Variants in SUN5 observed in about 807,000 individuals in gnomAD.
SUN5 encodes the protein SUN domain-containing protein 5.
Under a neutral mutation model 53.7 loss-of-function variants are expected in SUN5, and 44 were observed. The observed-to-expected ratio is 0.82, with a 90% CI of 0.64 to 1.05. SUN5 has a LOEUF of 1.05. Ranked by LOEUF, SUN5 falls within the 50% of genes least tolerant of loss-of-function variation. The pLI, the probability that SUN5 is intolerant of heterozygous loss-of-function variation, is 0.00. For missense variants in SUN5, 433 were observed against 483.8 expected, an observed-to-expected ratio of 0.90 and a Z score of 0.98; for synonymous variants, 166 against 179.8, an observed-to-expected ratio of 0.92 and a Z score of 0.62.
chr20:32,990,254 G>A (rs1989676847), intron 8 of SUN5, among the ~76,000 whole-genome samples: 1 of 152,236 alleles, frequency 6.6e-6, no homozygotes, highest in Non-Finnish European at 1.5e-5. Context: ...GTATGAGGCA[G>A]AGCGATCACT....
chr20:32,998,028 C>T (rs1054077060), intron 5 of SUN5, among the ~76,000 whole-genome samples: 2 of 151,982 alleles, frequency 1.3e-5, no homozygotes, highest in Non-Finnish European at 2.9e-5. Context: ...GCTGAAAAGC[C>T]ACCATTCAAG....
At chr20:32,987,603 C>A in intron 10 of SUN5, 57 bp downstream of exon 10, 2 of 1,476,060 alleles carry the variant, frequency 1.4e-6, no homozygotes, top group South Asian at 2.5e-5. Flanking sequence ...CTCCTGTCCC[C>A]AAACCCTGCC....
chr20:32,997,790 G>A, intron 5 of SUN5, 103 bp from the exon 6 acceptor site: 1 of 1,260,842 alleles, frequency 7.9e-7, no homozygotes, highest in Non-Finnish European at 1.1e-6. Flanking sequence ...TATGCCACTT[G>A]CCAGCATTGT....
chr20:32,989,842 G>C, intron 8 of SUN5, 144 bp from the exon 9 acceptor site: 1 of 704,946 alleles, frequency 1.4e-6, no homozygotes, highest in Non-Finnish European at 2.4e-6. Context: ...CTGTGGCTCT[G>C]TGAAAGCCCA....
chr20:32,993,815 G>A (rs761246234), intron 8 of SUN5, among the ~76,000 whole-genome samples: 45 of 152,288 alleles, frequency 3.0e-4, no homozygotes, highest in Middle Eastern at 3.4e-3. Context: ...CTATTAATTC[G>A]AATTGTTAAC....
At chr20:32,988,566 CTGAT>C (rs1989612673) in intron 9 of SUN5, among the ~76,000 whole-genome samples, 1 of 150,350 alleles carries the variant, frequency 6.7e-6, no homozygotes, top group Admixed American at 6.6e-5. Context: ...TCCGGAAGCA[CTGAT>C]TATTATTTTA....
In SUN5 at chr20:32,997,707, A is replaced by C; in HGVS notation, c.341-20T>G. The C allele has an allele frequency of 6.2e-7, 1 of 1,613,718 alleles. No individual in the cohort carries two copies. The highest frequency in any genetic ancestry group is 8.5e-7 in the Non-Finnish European group (1 of 1,179,874). On this transcript the variant is annotated intron_variant, in intron 5 of 12. Transcript: ENST00000356173. ...AGAATCCTGTGAGGCCATGAGAATA[A>C]GAATGAGCCATTTAACATGCAAGAT...
At position 32,983,815 on chromosome 20, in the gene SUN5, G is replaced by GTTCT. The variant is rs1322820614; in HGVS notation, c.1115_1118dup (p.Asn373LysfsTer6). ...AATTTTAATCTCTCTTAGGGTAGGG[G>GTTCT]TTCTGGTGAGGCTGCTCTCTGGGCG... is the stretch of plus-strand genomic sequence containing the variant. On this transcript the variant is annotated frameshift_variant, in exon 13 of 13. Coordinates refer to ENST00000356173, the MANE Select transcript of SUN5 (RefSeq NM_080675.4). LOFTEE classifies it high-confidence loss of function. 3 of 1,561,300 alleles carry GTTCT rather than the reference G, an allele frequency of 1.9e-6. No individual in the cohort carries two copies. In the Admixed American group the frequency reaches 5.6e-5, roughly 29 times the overall value.
intron 9 of SUN5, 30 bp downstream of exon 9, chr20:32,989,590 A>G: frequency 1.2e-6 from 2 of 1,603,122 alleles, no homozygotes; most frequent in Non-Finnish European, 1.7e-6. Context: ...CACTTGAGGC[A>G]GTCAGATGGT....
chr20:33,000,707 T>A (rs1989978104), intron 4 of SUN5, among the ~76,000 whole-genome samples: 1 of 151,940 alleles, frequency 6.6e-6, no homozygotes, highest in African/African-American at 2.4e-5. Context: ...TAGCCAGACG[T>A]GGTGGTGTGT....
intron 8 of SUN5, among the ~76,000 whole-genome samples, chr20:32,994,825 G>A (rs1361667267): frequency 1.3e-5 from 2 of 151,852 alleles, no homozygotes; most frequent in African/African-American, 4.8e-5. Context: ...AGGAGGCAGA[G>A]GTTGCAGTGA....
intron 8 of SUN5, among the ~76,000 whole-genome samples, chr20:32,990,739 G>T (rs775091646): frequency 1.3e-5 from 2 of 152,134 alleles, no homozygotes; most frequent in Non-Finnish European, 2.9e-5. Flanking sequence ...GATGATTCCA[G>T]CCCCAGATGT....
intron 8 of SUN5, among the ~76,000 whole-genome samples, chr20:32,994,065 A>G (rs189015902): frequency 1.3e-5 from 2 of 152,326 alleles, no homozygotes; most frequent in African/African-American, 4.8e-5. Context: ...ACACATTTGG[A>G]GACTTGTGAG....
At chr20:32,991,171 GTCT>G (rs1432861211) in intron 8 of SUN5, among the ~76,000 whole-genome samples, 3 of 152,306 alleles carry the variant, frequency 2.0e-5, no homozygotes, top group South Asian at 4.1e-4. Context: ...GCTGAGTGCA[GTCT>G]TCTTCTCTGG....
intron 9 of SUN5, 64 bp from the exon 10 acceptor site, chr20:32,987,839 T>A: frequency 7.6e-7 from 1 of 1,316,730 alleles, no homozygotes; most frequent in Non-Finnish European, 1.1e-6. Context: ...GGGACGCCAC[T>A]GATGGGCCCT....
At chr20:32,996,221 T>A (rs907880839) in intron 7 of SUN5, 103 bp downstream of exon 7, 1 of 1,203,152 alleles carries the variant, frequency 8.3e-7, no homozygotes, top group East Asian at 2.4e-5. Context: ...AAACCCAGGT[T>A]GATCTGACTG....
intron 9 of SUN5, among the ~76,000 whole-genome samples, chr20:32,988,576 TTTTATTTA>T (rs10681483): frequency 1.9e-4 from 29 of 150,660 alleles, no homozygotes; most frequent in Middle Eastern, 3.4e-3. Context: ...CTGATTATTA[TTTTATTTA>T]TTTATTTATT....
intron 3 of SUN5, among the ~76,000 whole-genome samples, chr20:33,001,519 C>CTTTCTTTCTTTCTTTCTTTCTCTCT (rs68051515): frequency 8.2e-6 from 1 of 121,324 alleles, no homozygotes; most frequent in Non-Finnish European, 1.7e-5. Flanking sequence ...TTCTTTCTTT[C>CTTTCTTTCTTTCTTTCTTTCTCTCT]TTCTTTCTTT....
chr20:33,001,171 T>TCCCACTC, intron 4 of SUN5, 41 bp downstream of exon 4: 1 of 1,553,666 alleles, frequency 6.4e-7, no homozygotes. Context: ...AGCTGCCATT[T>TCCCACTC]CCCACTCCCC....
Sources: allele counts gnomAD v4.1 joint callset (sites outside exome capture counted in the v4.1 genomes callset), GRCh38; gene constraint gnomAD v4.1.1; transcripts MANE v1.5; gene names NCBI Gene and HGNC (gene_info 2026-07-23, HGNC 2026-07-21).